HIPK2: variants seen among roughly 807,000 people sequenced by gnomAD.
HIPK2 encodes homeodomain-interacting protein kinase 2.
In HIPK2, 27 loss-of-function variants were observed where a neutral mutation model predicts 113.7. The ratio of observed to expected loss-of-function variants is 0.24; its 90% CI spans 0.17 to 0.33. The LOEUF is 0.33. Ranked by LOEUF, HIPK2 falls within the 10% of genes least tolerant of loss-of-function variation. HIPK2 has a pLI of 1.00. For missense variants in HIPK2, 1,257 were observed against 1,588.0 expected, an observed-to-expected ratio of 0.79 and a Z score of 3.54; for synonymous variants, 631 against 642.2, an observed-to-expected ratio of 0.98 and a Z score of 0.26.
chr7:139,572,673 T>C lies in HIPK2; in HGVS notation c.*254A>G. On this transcript the variant is annotated 3_prime_UTR_variant, in exon 15 of 15. Transcript: ENST00000406875. ...TAGATTTCCCACCCTCTTTAATCCC[T>C]TCCTTTTAAAAATGTTCTCTTCTCT... 1 of 392,054 alleles carries C rather than the reference T, an allele frequency of 2.6e-6. No individual in the cohort carries two copies. Among genetic ancestry groups the C allele is most frequent in the Non-Finnish European group, 4.5e-6 (1 of 222,220 alleles). 24.3% of individuals were successfully genotyped at this position (392,054 alleles called of 1,614,324 possible).
intron 1 of HIPK2, among the ~76,000 whole-genome samples, chr7:139,732,677 C>T (rs992468603): frequency 6.6e-6 from 1 of 151,858 alleles, no homozygotes; most frequent in South Asian, 2.1e-4. Context: ...CCTCAATCCC[C>T]TCATCTCTAA....
At chr7:139,575,007 C>G (rs1330627753) in intron 14 of HIPK2, 121 bp downstream of exon 14, 1 of 1,322,710 alleles carries the variant, frequency 7.6e-7, no homozygotes, top group African/African-American at 1.5e-5. Context: ...GTGCTGCCAC[C>G]CGTGGCCAGG....
At position 139,562,113 on chromosome 7, in the gene HIPK2, A is replaced by G. The variant is rs1211056371; in HGVS notation, c.*10814T>C. The G allele has an allele frequency of 6.6e-6, 1 of 152,262 alleles. No individual in the cohort carries two copies. Among genetic ancestry groups the G allele is most frequent in the Admixed American group, 6.5e-5 (1 of 15,280 alleles). The allele number at this position is 152,262 out of a possible 1,614,324, so 9.4% of individuals were successfully genotyped here. Reference sequence around the variant, plus strand: ...ACATTGGTTTGTCTTTAAAAAAACAAAAGTAGACATTTATAAATAAAAAAG... The same window carrying G: ...ACATTGGTTTGTCTTTAAAAAAACAGAAGTAGACATTTATAAATAAAAAAG... On this transcript the variant is annotated 3_prime_UTR_variant, in exon 15 of 15. Coordinates refer to ENST00000406875, the MANE Select transcript of HIPK2 (RefSeq NM_022740.5).
chr7:139,700,761 TCTCA>T (rs1794684818), intron 2 of HIPK2, among the ~76,000 whole-genome samples: 1 of 152,230 alleles, frequency 6.6e-6, no homozygotes, highest in East Asian at 1.9e-4. Flanking sequence ...GTTCCTATGC[TCTCA>T]CTCAAACGGG....
At chr7:139,595,636 C>A (rs1214345476) in intron 12 of HIPK2, among the ~76,000 whole-genome samples, 1 of 152,078 alleles carries the variant, frequency 6.6e-6, no homozygotes, top group African/African-American at 2.4e-5. Context: ...CATGTACTAA[C>A]CCCACCCAGA....
chr7:139,574,926 T>G (rs749023466), intron 14 of HIPK2, among the ~76,000 whole-genome samples: 1 of 152,252 alleles, frequency 6.6e-6, no homozygotes, highest in African/African-American at 2.4e-5. Flanking sequence ...CAGCACTCTG[T>G]GCACTGGTGA....
chr7:139,672,707 G>A (rs111237353), intron 2 of HIPK2, among the ~76,000 whole-genome samples: 44 of 152,086 alleles, frequency 2.9e-4, no homozygotes, highest in Non-Finnish European at 2.1e-4. Flanking sequence ...TGATCCACCC[G>A]CTTCAGCCTC....
chr7:139,690,282 CAG>C (rs1165731593), intron 2 of HIPK2, among the ~76,000 whole-genome samples: 3 of 151,052 alleles, frequency 2.0e-5, no homozygotes, highest in Admixed American at 6.6e-5. Context: ...GCAGTGCACA[CAG>C]AGTCAGGGGA....
At position 139,775,351 on chromosome 7, in the gene HIPK2, A is replaced by G. The variant is rs190241158; in HGVS notation, c.19+2254T>C. ...CAGTGAGTGAATGCGGGTCCTAGCA[A>G]CCTAATCCTTGATTCTAGAAGTCAC... On this transcript the variant is annotated intron_variant, in intron 1 of 14. Coordinates refer to ENST00000406875, the MANE Select transcript of HIPK2 (RefSeq NM_022740.5). 3.0e-4 allele frequency among the ~76,000 whole-genome samples: 46 copies of G among 152,302 alleles called. No homozygotes were observed. The East Asian group carries it at 6.6e-3, about 22-fold the overall frequency.
intron 10 of HIPK2, among the ~76,000 whole-genome samples, chr7:139,602,873 T>G (rs73481731): frequency 0.012 from 1,771 of 152,282 alleles, 29 homozygotes; most frequent in African/African-American, 0.039. Flanking sequence ...TATCCCCACT[T>G]TATTGAAGAA....
At position 139,583,874 on chromosome 7, in the gene HIPK2, GCA is replaced by G; in HGVS notation, c.2906_2907del (p.Val969AlafsTer15). 1 of 1,613,384 alleles carries G rather than the reference GCA, an allele frequency of 6.2e-7. No individual in the cohort carries two copies. Among genetic ancestry groups the G allele is most frequent in the Non-Finnish European group, 8.5e-7 (1 of 1,179,672 alleles). On this transcript the variant is annotated frameshift_variant, in exon 13 of 15. Transcript: ENST00000406875. LOFTEE classifies it high-confidence loss of function. ...HCTGNPRTII[V>X]PPLKTQASEV... ...TCGCTGGCCTGGGTTTTCAGGGGTGGCACGATGATGGTTCGGGGGTTCCCCGT... is the reference window on the plus strand; with the variant it reads ...TCGCTGGCCTGGGTTTTCAGGGGTGGCGATGATGGTTCGGGGGTTCCCCGT...
intron 2 of HIPK2, among the ~76,000 whole-genome samples, chr7:139,663,866 C>G (rs1801952015): frequency 6.6e-6 from 1 of 152,148 alleles, no homozygotes; most frequent in African/African-American, 2.4e-5. Context: ...TTCCCGAAGC[C>G]CACCCATAAT....
At chr7:139,699,835 C>T (rs1467006062) in intron 2 of HIPK2, among the ~76,000 whole-genome samples, 7 of 152,280 alleles carry the variant, frequency 4.6e-5, no homozygotes, top group South Asian at 4.1e-4. Context: ...CAGGGGTGTG[C>T]GGAGTGAATG....
chr7:139,700,965 T>C (rs1403863442), intron 2 of HIPK2, among the ~76,000 whole-genome samples: 2 of 152,162 alleles, frequency 1.3e-5, no homozygotes, highest in Admixed American at 6.5e-5. Context: ...TGACATGCAA[T>C]AGAAAGAGAA....
intron 1 of HIPK2, among the ~76,000 whole-genome samples, chr7:139,776,460 A>G (rs1796752093): frequency 1.3e-5 from 2 of 151,672 alleles, no homozygotes; most frequent in South Asian, 4.2e-4. Context: ...AGATAAAACT[A>G]TTAATGCCTT....
chr7:139,708,591 G>A (rs1794976483), intron 2 of HIPK2, among the ~76,000 whole-genome samples: 1 of 152,210 alleles, frequency 6.6e-6, no homozygotes, highest in Non-Finnish European at 1.5e-5. Context: ...ACATGTATTT[G>A]GCAGCTCTGT....
chr7:139,736,333 C>G (rs1169692464), intron 1 of HIPK2, among the ~76,000 whole-genome samples: 1 of 152,238 alleles, frequency 6.6e-6, no homozygotes, highest in Non-Finnish European at 1.5e-5. Flanking sequence ...TCCTTGCTGA[C>G]TTCAAGTGGC....
chr7:139,601,924 A>T (rs913855721), intron 10 of HIPK2, among the ~76,000 whole-genome samples: 2 of 149,008 alleles, frequency 1.3e-5, no homozygotes, highest in Non-Finnish European at 3.0e-5. Context: ...ATTTACATGG[A>T]CTTTAGAAAC....
intron 6 of HIPK2, among the ~76,000 whole-genome samples, chr7:139,621,103 G>A (rs1459225194): frequency 6.6e-6 from 1 of 152,342 alleles, no homozygotes; most frequent in South Asian, 2.1e-4. Flanking sequence ...CACAGGGGTT[G>A]TGCAGGTAGG....
Sources: gnomAD v4.1 joint callset for allele counts (sites outside exome capture counted in the v4.1 genomes callset) on GRCh38, gnomAD v4.1.1 for gene constraint, MANE v1.5 for transcripts, NCBI Gene and HGNC (gene_info 2026-07-23, HGNC 2026-07-21) for gene names.